The following KIF16B variants were observed in gnomAD, a reference collection of about 807,000 sequenced individuals.
The protein encoded by KIF16B is kinesin family member 16B.
Under a neutral mutation model 156.3 loss-of-function variants are expected in KIF16B, and 98 were observed. That is an observed-to-expected ratio of 0.63 (90% CI 0.53 to 0.74). The LOEUF (loss-of-function observed/expected upper bound fraction) is 0.74. Among genes scored for constraint, KIF16B ranks in the 30% least tolerant of loss-of-function variants. The probability of loss-of-function intolerance (pLI) is 0.00; values close to 1 mark genes in which losing one functional copy is unlikely to be tolerated. For synonymous variants in KIF16B, 564 were observed against 583.7 expected, an observed-to-expected ratio of 0.97 and a Z score of 0.49; for missense variants, 1,421 against 1,606.5, an observed-to-expected ratio of 0.88 and a Z score of 1.97.
At chr20:16,470,357 G>A (rs6043975) in intron 12 of KIF16B, among the ~76,000 whole-genome samples, 37,460 of 152,006 alleles carry the variant, frequency 0.25, 4,756 homozygotes, top group African/African-American at 0.3. Flanking sequence ...TGATGTGTCA[G>A]TGTGGGTTCA....
chr20:16,319,597 C>T (rs1313034445), intron 24 of KIF16B, among the ~76,000 whole-genome samples: 1 of 152,190 alleles, frequency 6.6e-6, no homozygotes, highest in Non-Finnish European at 1.5e-5. Context: ...CTGAGGCCTG[C>T]TGCTAGAGCC....
chr20:16,391,951 CA>C (rs1406332056), intron 17 of KIF16B, among the ~76,000 whole-genome samples: 1 of 152,172 alleles, frequency 6.6e-6, no homozygotes, highest in Admixed American at 6.5e-5. Context: ...ATGAGCTTCA[CA>C]GCCAGAAACA....
At chr20:16,550,882 C>A (rs914155305) in intron 1 of KIF16B, among the ~76,000 whole-genome samples, 1 of 152,004 alleles carries the variant, frequency 6.6e-6, no homozygotes, top group East Asian at 1.9e-4. Flanking sequence ...AGGGCTAGAA[C>A]GGGTGTTCTA....
chr20:16,477,983 C>T (rs977104015), intron 12 of KIF16B, among the ~76,000 whole-genome samples: 3 of 152,084 alleles, frequency 2.0e-5, no homozygotes, highest in Non-Finnish European at 2.9e-5. Flanking sequence ...TGGAATACCC[C>T]GAGGACCTCA....
At chr20:16,369,091 C>T (rs551123305) in intron 22 of KIF16B, 1 of 985,710 alleles carries the variant, frequency 1.0e-6, no homozygotes, top group Non-Finnish European at 1.2e-6. Context: ...CTGGTGAGTT[C>T]TCTCTTGTGA....
intron 25 of KIF16B, among the ~76,000 whole-genome samples, chr20:16,298,575 G>A (rs1271785604): frequency 6.6e-6 from 1 of 152,070 alleles, no homozygotes; most frequent in African/African-American, 2.4e-5. Context: ...CCTATATCAG[G>A]TTCAGTGCAG....
chr20:16,368,937 T>C, intron 22 of KIF16B: 1 of 985,890 alleles, frequency 1.0e-6, no homozygotes, highest in Non-Finnish European at 1.2e-6. Context: ...GAAAATCTTC[T>C]GCATCATCGG....
intron 17 of KIF16B, 101 bp downstream of exon 17, chr20:16,404,712 C>A: frequency 1.2e-6 from 1 of 836,212 alleles, no homozygotes; most frequent in Non-Finnish European, 2.0e-6. Context: ...TAAGGAGGCG[C>A]CGTTGCAGAA....
chr20:16,541,628 A>T lies in KIF16B; in HGVS notation c.48-13188T>A, dbSNP rs990597596. Among the ~76,000 whole-genome samples the T allele has an allele frequency of 2.6e-5, 4 of 152,080 alleles. No homozygotes were observed. In the East Asian group the frequency reaches 5.8e-4, roughly 22 times the overall value. On this transcript the variant is annotated intron_variant, in intron 1 of 25. Coordinates refer to ENST00000354981, the MANE Select transcript of KIF16B (RefSeq NM_024704.5). ...ACCTAAAAAATTAGGCAAAGCACCAACTCTTACGGTTTACAGGTTGGGATC... is the reference window on the plus strand; with the variant it reads ...ACCTAAAAAATTAGGCAAAGCACCATCTCTTACGGTTTACAGGTTGGGATC...
intron 15 of KIF16B, among the ~76,000 whole-genome samples, chr20:16,416,762 A>G (rs1568957362): frequency 6.6e-6 from 1 of 151,872 alleles, no homozygotes; most frequent in Non-Finnish European, 1.5e-5. Flanking sequence ...TGGATTGAAG[A>G]AAACCAAGAT....
chr20:16,472,574 A>T (rs2067692908), intron 12 of KIF16B, among the ~76,000 whole-genome samples: 1 of 150,466 alleles, frequency 6.6e-6, no homozygotes, highest in Non-Finnish European at 1.5e-5. Context: ...AAAAAAAAAA[A>T]AAGTAAAAGG....
At chr20:16,368,241 G>A in intron 22 of KIF16B, 2 of 1,002,542 alleles carry the variant, frequency 2.0e-6, no homozygotes, top group Non-Finnish European at 2.4e-6. Flanking sequence ...CATATTCAAG[G>A]CGAAAAACTG....
chr20:16,450,797 C>G (rs1453608396), intron 12 of KIF16B, among the ~76,000 whole-genome samples: 1 of 152,138 alleles, frequency 6.6e-6, no homozygotes, highest in East Asian at 1.9e-4. Flanking sequence ...AGGAAACAAA[C>G]AGAGTCATAT....
chr20:16,346,396 C>A (rs1377511803), intron 23 of KIF16B, among the ~76,000 whole-genome samples: 3 of 152,188 alleles, frequency 2.0e-5, no homozygotes, highest in Non-Finnish European at 4.4e-5. Flanking sequence ...AAATCTCAGA[C>A]ACATTTCTAT....
At chr20:16,323,615 C>A (rs537877835) in intron 24 of KIF16B, among the ~76,000 whole-genome samples, 1 of 151,930 alleles carries the variant, frequency 6.6e-6, no homozygotes, top group Non-Finnish European at 1.5e-5. Flanking sequence ...TGATGAGCTA[C>A]CTTTAGACTC....
chr20:16,567,920 C>A (rs1032999295), intron 1 of KIF16B, among the ~76,000 whole-genome samples: 1 of 152,176 alleles, frequency 6.6e-6, no homozygotes, highest in Non-Finnish European at 1.5e-5. Context: ...CCACTGCACT[C>A]CAGCCTGGGC....
intron 3 of KIF16B, among the ~76,000 whole-genome samples, chr20:16,525,721 G>A (rs568044781): frequency 5.3e-5 from 8 of 152,260 alleles, no homozygotes; most frequent in African/African-American, 1.7e-4. Flanking sequence ...CTAAATCTCC[G>A]CACTGAATAG....
chr20:16,488,138 G>A (rs1039863115), intron 12 of KIF16B, among the ~76,000 whole-genome samples: 1 of 152,150 alleles, frequency 6.6e-6, no homozygotes, highest in Non-Finnish European at 1.5e-5. Context: ...CAAAGGATAC[G>A]TTTTCAGCAA....
chr20:16,281,620 C>T (rs916484788), intron 25 of KIF16B, among the ~76,000 whole-genome samples: 4 of 152,146 alleles, frequency 2.6e-5, no homozygotes, highest in African/African-American at 7.2e-5. Flanking sequence ...GGCTGGGTTC[C>T]CTTTCCAACA....
Sources: allele counts gnomAD v4.1 joint callset (sites outside exome capture counted in the v4.1 genomes callset), GRCh38; gene constraint gnomAD v4.1.1; transcripts MANE v1.5; gene names NCBI Gene and HGNC (gene_info 2026-07-23, HGNC 2026-07-21).